Variants in ABLIM1 observed in about 807,000 individuals in gnomAD.
ABLIM1 encodes actin binding LIM protein 1.
ABLIM1 carries 40 observed loss-of-function variants against 107.0 expected under a neutral mutation model. The ratio of observed to expected loss-of-function variants is 0.37; its 90% CI spans 0.29 to 0.49. The LOEUF (loss-of-function observed/expected upper bound fraction) is 0.49. Among genes scored for constraint, ABLIM1 ranks in the 20% least tolerant of loss-of-function variants. ABLIM1 has a pLI of 0.97. For missense variants in ABLIM1, 857 were observed against 1,008.5 expected, an observed-to-expected ratio of 0.85 and a Z score of 2.04; for synonymous variants, 357 against 357.3, an observed-to-expected ratio of 1.00 and a Z score of 0.01.
chr10:114,527,987 A>G (rs2065032438), intron 6 of ABLIM1, among the ~76,000 whole-genome samples: 1 of 151,840 alleles, frequency 6.6e-6, no homozygotes, highest in Non-Finnish European at 1.5e-5. Context: ...ACAGGTATGC[A>G]CCACCACACC....
intron 12 of ABLIM1, among the ~76,000 whole-genome samples, chr10:114,454,983 T>A (rs532811016): frequency 1.3e-5 from 2 of 152,358 alleles, no homozygotes; most frequent in South Asian, 4.1e-4. Context: ...AATTTATTTA[T>A]CTATTAACAC....
intron 1 of ABLIM1, among the ~76,000 whole-genome samples, chr10:114,634,773 G>A (rs933443319): frequency 5.9e-5 from 9 of 152,142 alleles, no homozygotes; most frequent in African/African-American, 1.7e-4. Flanking sequence ...ATAGTCACAC[G>A]GCAAAAGTCC....
upstream of ABLIM1, among the ~76,000 whole-genome samples, chr10:114,686,721 T>A (rs2080947385): frequency 2.0e-5 from 3 of 151,938 alleles, no homozygotes; most frequent in Admixed American, 2.0e-4. Flanking sequence ...TTTGACCTCC[T>A]AGGTTCAAGT....
chr10:114,663,115 C>T (rs1452233123), upstream of ABLIM1, among the ~76,000 whole-genome samples: 3 of 152,222 alleles, frequency 2.0e-5, no homozygotes, highest in African/African-American at 7.2e-5. Context: ...TCTCTTCATC[C>T]TTCCCCTGCT....
At chr10:114,578,007 C>T (rs1357969250) in intron 2 of ABLIM1, among the ~76,000 whole-genome samples, 1 of 152,192 alleles carries the variant, frequency 6.6e-6, no homozygotes, top group Non-Finnish European at 1.5e-5. Context: ...CCTGTTTCTC[C>T]TCCTCTGTCT....
chr10:114,461,805 T>G (rs1225897928), intron 12 of ABLIM1, among the ~76,000 whole-genome samples: 1 of 151,750 alleles, frequency 6.6e-6, no homozygotes, highest in African/African-American at 2.4e-5. Flanking sequence ...GGTGACAGAG[T>G]GAGACTCTGT....
chr10:114,630,760 T>G (rs2078121506), intron 1 of ABLIM1, among the ~76,000 whole-genome samples: 1 of 152,212 alleles, frequency 6.6e-6, no homozygotes, highest in Admixed American at 6.5e-5. Context: ...AGAGTAGATG[T>G]CCGTGTTTGG....
intron 14 of ABLIM1, among the ~76,000 whole-genome samples, chr10:114,450,435 CTT>C (rs1194089510): frequency 8.5e-5 from 8 of 94,302 alleles, no homozygotes; most frequent in Admixed American, 1.0e-4. Context: ...TTCTTTCTTT[CTT>C]TTTTTTTTTT....
intron 5 of ABLIM1, 93 bp downstream of exon 5, chr10:114,547,557 T>C: frequency 6.6e-7 from 1 of 1,526,606 alleles, no homozygotes; most frequent in East Asian, 2.3e-5. Context: ...TTCAGCACCA[T>C]TGATGGGGTG....
chr10:114,565,788 C>CTTTTT (rs577896964), intron 4 of ABLIM1, among the ~76,000 whole-genome samples: 32,080 of 98,656 alleles, frequency 0.33, 8,571 homozygotes, highest in Non-Finnish European at 0.41. Flanking sequence ...GAAATGATTT[C>CTTTTT]TTTTTTTTTT....
intron 1 of ABLIM1, among the ~76,000 whole-genome samples, chr10:114,628,568 C>T (rs959838861): frequency 1.3e-5 from 2 of 152,222 alleles, no homozygotes; most frequent in Admixed American, 1.3e-4. Context: ...GGGTCCCGCT[C>T]TATCCCAAAA....
rs1252140272 is a variant in ABLIM1 at position 114,462,246 on chromosome 10, CTCCTCCT to C, written c.1441+3445_1441+3451del. Among the ~76,000 whole-genome samples, 9 of 152,262 alleles carry C rather than the reference CTCCTCCT, an allele frequency of 5.9e-5. No individual in the cohort carries two copies. In the East Asian group the frequency reaches 1.7e-3, roughly 29 times the overall value. On this transcript the variant is annotated intron_variant, in intron 12 of 22. Transcript: ENST00000533213. ...GACCTGTGATAACATCTGTGCTTGCCTCCTCCTTCCTCCTTCAGCTATTATTATTGGT... is the reference window on the plus strand; with the variant it reads ...GACCTGTGATAACATCTGTGCTTGCCTCCTCCTTCAGCTATTATTATTGGT...
At chr10:114,542,503 AAAG>A (rs2066811446) in intron 6 of ABLIM1, among the ~76,000 whole-genome samples, 1 of 151,672 alleles carries the variant, frequency 6.6e-6, no homozygotes, top group Non-Finnish European at 1.5e-5. Context: ...AAGAAGGAAG[AAAG>A]AAGAAATTAG....
intron 1 of ABLIM1, among the ~76,000 whole-genome samples, chr10:114,745,884 C>T (rs767331345): frequency 7.9e-5 from 12 of 152,022 alleles, no homozygotes; most frequent in Non-Finnish European, 1.5e-4. Context: ...GAAAACATGA[C>T]GTCAATCTCT....
chr10:114,623,496 T>C (rs186437215), intron 1 of ABLIM1, among the ~76,000 whole-genome samples: 32 of 152,316 alleles, frequency 2.1e-4, no homozygotes, highest in Admixed American at 1.2e-3. Context: ...GTGAGCCAGA[T>C]GATATTTGCA....
At chr10:114,471,088 T>C (rs1189735879) in intron 10 of ABLIM1, among the ~76,000 whole-genome samples, 2 of 152,136 alleles carry the variant, frequency 1.3e-5, no homozygotes, top group Non-Finnish European at 2.9e-5. Context: ...GGAATTTTGG[T>C]ATGTTGTCCA....
intron 6 of ABLIM1, among the ~76,000 whole-genome samples, chr10:114,528,743 C>T (rs1430117307): frequency 6.6e-6 from 1 of 152,174 alleles, no homozygotes; most frequent in Non-Finnish European, 1.5e-5. Context: ...TGAATAACTT[C>T]ATTTTTATTG....
intron 14 of ABLIM1, among the ~76,000 whole-genome samples, chr10:114,448,805 G>C (rs1454201869): frequency 2.6e-5 from 4 of 151,990 alleles, no homozygotes; most frequent in East Asian, 3.9e-4. Context: ...GTAGAGACAG[G>C]GTTTCTCCTG....
intron 2 of ABLIM1, among the ~76,000 whole-genome samples, chr10:114,578,432 G>A (rs1246027020): frequency 2.0e-5 from 3 of 147,654 alleles, no homozygotes; most frequent in Non-Finnish European, 3.0e-5. Flanking sequence ...TTGAGATGGA[G>A]TTTCGCTCTT....
Sources: gnomAD v4.1 joint callset for allele counts (sites outside exome capture counted in the v4.1 genomes callset) on GRCh38, gnomAD v4.1.1 for gene constraint, MANE v1.5 for transcripts, NCBI Gene and HGNC (gene_info 2026-07-23, HGNC 2026-07-21) for gene names.